Variants in CTNNA1 observed in about 807,000 individuals in gnomAD.
The protein encoded by CTNNA1 is catenin alpha-1.
In CTNNA1, 37 loss-of-function variants were observed where a neutral mutation model predicts 98.4. The ratio of observed to expected loss-of-function variants is 0.38; its 90% CI spans 0.29 to 0.49. The LOEUF is 0.49. Among genes scored for constraint, CTNNA1 ranks in the 20% least tolerant of loss-of-function variants. CTNNA1 has a pLI of 0.95. For missense variants in CTNNA1, 761 were observed against 1,147.2 expected (o/e 0.66, Z 4.86); for synonymous variants, 404 against 413.2 (o/e 0.98, Z 0.27).
intron 7 of CTNNA1, among the ~76,000 whole-genome samples, chr5:138,868,487 A>G (rs1454950881): frequency 6.6e-6 from 1 of 151,972 alleles, no homozygotes; most frequent in South Asian, 2.1e-4. Flanking sequence ...ACATCAACCA[A>G]CCCCCAAGGT....
intron 3 of CTNNA1, among the ~76,000 whole-genome samples, chr5:138,792,260 A>G (rs1422564569): frequency 1.3e-5 from 2 of 152,204 alleles, no homozygotes; most frequent in Non-Finnish European, 2.9e-5. Context: ...ATTTTCAGAA[A>G]AATAATGTAT....
chr5:138,921,254 T>C (rs757679553), intron 11 of CTNNA1, among the ~76,000 whole-genome samples: 4 of 152,264 alleles, frequency 2.6e-5, no homozygotes, highest in Non-Finnish European at 2.9e-5. Flanking sequence ...GGAAATGTTA[T>C]TGATTTCCAT....
chr5:138,928,520 T>C (rs1007225987), intron 13 of CTNNA1, among the ~76,000 whole-genome samples: 2 of 152,238 alleles, frequency 1.3e-5, no homozygotes, highest in South Asian at 2.1e-4. Flanking sequence ...AGGAAAGTTA[T>C]ACAAATCCGC....
intron 7 of CTNNA1, among the ~76,000 whole-genome samples, chr5:138,868,443 C>G (rs1329170237): frequency 6.6e-6 from 1 of 152,148 alleles, no homozygotes; most frequent in Non-Finnish European, 1.5e-5. Context: ...GGACCTCCCT[C>G]CTAGGAGTGG....
chr5:138,865,069 C>T (rs1042902252), intron 7 of CTNNA1, among the ~76,000 whole-genome samples: 1 of 152,180 alleles, frequency 6.6e-6, no homozygotes, highest in Admixed American at 6.5e-5. Context: ...GCCTCTGCCT[C>T]CCAAAGTGCT....
chr5:138,815,687 A>G (rs778966876), intron 5 of CTNNA1, among the ~76,000 whole-genome samples: 21 of 151,746 alleles, frequency 1.4e-4, no homozygotes, highest in Admixed American at 2.6e-4. Context: ...ATTTTATTCT[A>G]TTTTTTTCTG....
chr5:138,836,721 G>T (rs1581211911), intron 7 of CTNNA1, among the ~76,000 whole-genome samples: 1 of 152,298 alleles, frequency 6.6e-6, no homozygotes, highest in Middle Eastern at 3.4e-3. Flanking sequence ...CAGGATTGCT[G>T]TTAGACTGTC....
At position 138,841,658 on chromosome 5, in the gene CTNNA1, T is replaced by C. The variant is rs190514254; in HGVS notation, c.1062+13940T>C. 2.2e-3 allele frequency among the ~76,000 whole-genome samples: 337 copies of C among 152,356 alleles called. 1 individual carries two copies. Among genetic ancestry groups the C allele is most frequent in the Non-Finnish European group, 3.3e-3 (224 of 68,020 alleles). ...AAACTGCCATTAGGGCTTTTTGTAA[T>C]GTCATAATTTGGAAACATAAGGAAG... On this transcript the variant is annotated intron_variant, in intron 7 of 17. Coordinates refer to ENST00000302763, the MANE Select transcript of CTNNA1 (RefSeq NM_001903.5).
intron 1 of CTNNA1, among the ~76,000 whole-genome samples, chr5:138,763,108 T>TG (rs397883197): frequency 5.3e-5 from 8 of 152,028 alleles, no homozygotes; most frequent in Non-Finnish European, 8.8e-5. Context: ...TGTTTTTTTT[T>TG]GTCAGTATTT....
chr5:138,823,473 A>T (rs1760245924), intron 5 of CTNNA1, among the ~76,000 whole-genome samples: 1 of 152,182 alleles, frequency 6.6e-6, no homozygotes, highest in African/African-American at 2.4e-5. Flanking sequence ...TGGCTTACTG[A>T]CCTGCGAACT....
chr5:138,819,215 A>G (rs538134450), intron 5 of CTNNA1, among the ~76,000 whole-genome samples: 1 of 152,192 alleles, frequency 6.6e-6, no homozygotes, highest in Admixed American at 6.5e-5. Flanking sequence ...AGGCCCCCGG[A>G]TGGTGGAGCT....
Position 138,933,928 on chromosome 5 carries a change from C to T in CTNNA1, c.2560C>T (p.Leu854Phe), listed in dbSNP as rs1245307813. 2 of 1,614,070 alleles carry T rather than the reference C, an allele frequency of 1.2e-6. No individual in the cohort carries two copies. The highest frequency in any genetic ancestry group is 1.3e-5 in the African/African-American group (1 of 74,908). The part of the protein sequence containing the change: ...QKSQGMASLN[L>F]PAVSWKMKAP... ...GTCACAGGGTATGGCTTCCCTCAAC[C>T]TTCCTGCTGTGTCATGGAAGATGAA... The change falls in exon 18 of 18, where the codon CTT (leucine) becomes TTT (phenylalanine). Residue 854 changes from leucine (L) to phenylalanine (F), a missense_variant. Physicochemically the swap from Leu to Phe is conservative, Grantham distance 22. Transcript: ENST00000302763.
In CTNNA1 at chr5:138,783,339, C is replaced by T. The variant is rs749453442; in HGVS notation, c.268C>T (p.Leu90Phe). The change falls in exon 3 of 18, where the codon CTT (leucine) becomes TTT (phenylalanine). Residue 90 changes from leucine to phenylalanine, a missense_variant. Physicochemically the swap from Leu to Phe is conservative, Grantham distance 22 (BLOSUM62 0). Coordinates refer to ENST00000302763, the MANE Select transcript of CTNNA1 (RefSeq NM_001903.5). The part of the protein sequence containing the change: ...AKESQFLKEE[L>F]VAAVEDVRKQ... ...GGAGAGCCAGTTTCTCAAGGAGGAG[C>T]TTGTGGCTGCTGTAGAAGATGTTCG... 6.2e-7 allele frequency: 1 copy of T among 1,613,974 alleles called. No homozygotes were observed. The highest frequency in any genetic ancestry group is 1.7e-5 in the Admixed American group (1 of 60,020).
intron 4 of CTNNA1, 47 bp from the exon 5 acceptor site, chr5:138,812,136 A>T (rs2149736239): frequency 6.4e-7 from 1 of 1,574,168 alleles, no homozygotes; most frequent in East Asian, 2.2e-5. Context: ...TTCTTTACAG[A>T]CCTACATTCA....
Position 138,929,280 on chromosome 5 carries a change from C to T in CTNNA1, c.1934C>T (p.Thr645Ile), listed in dbSNP as rs748048489. Residue 645 changes from threonine to isoleucine, a missense_variant, in exon 14 of 18, where the codon ACA becomes ATA. Physicochemically the swap from Thr to Ile is moderately conservative, Grantham distance 89. Transcript: ENST00000302763. ...PEELDDSDFE[T>I]EDFDVRSRTS... is the part of the protein sequence containing the mutation. ...GAGTTGGATGACTCTGACTTTGAGA[C>T]AGAAGATTTTGATGTCAGAAGCAGG... 6.2e-7 allele frequency: 1 copy of T among 1,610,104 alleles called. No homozygotes were observed. The highest frequency in any genetic ancestry group is 8.5e-7 in the Non-Finnish European group (1 of 1,176,336).
chr5:138,874,672 A>G lies in CTNNA1; in HGVS notation c.1063-11540A>G. 1 of 770,784 alleles carries G rather than the reference A, an allele frequency of 1.3e-6. No individual in the cohort carries two copies. Among genetic ancestry groups the G allele is most frequent in the Non-Finnish European group, 2.0e-6 (1 of 491,934 alleles). 47.7% of individuals were successfully genotyped at this position (770,784 alleles called of 1,614,324 possible). A position where few individuals can be genotyped will look rare whatever the true frequency, so the allele number is the denominator to read the frequency against. The stretch of plus-strand genomic sequence containing the variant: ...TATAGCAAAAGATTTCACTGCATAT[A>G]ACTTATTTTTCATTTACTGCAGAAA... On this transcript the variant is annotated intron_variant, in intron 7 of 17. Transcript: ENST00000302763. This position sits in a 1 kb window ranked among gnomAD's most constrained non-coding sequence, Gnocchi z 4.1.
chr5:138,887,494 G>T lies in CTNNA1; in HGVS notation c.1148G>T (p.Arg383Leu), dbSNP rs780380304. 3.1e-6 allele frequency: 5 copies of T among 1,590,314 alleles called. No homozygotes were observed. The highest frequency in any genetic ancestry group is 3.4e-6 in the Non-Finnish European group (4 of 1,171,328). Reference protein sequence around the residue: ...KKTRDLRRQLRKAVMDHVSDS... With the variant: ...KKTRDLRRQLLKAVMDHVSDS... ...TTTTTACAATTTAATCATTAGCTCC[G>T]CAAAGCTGTCATGGACCACGTTTCA... is the stretch of plus-strand genomic sequence containing the variant. Residue 383 changes from arginine (R) to leucine (L), a missense_variant, in exon 9 of 18, where the codon CGC (arginine) becomes CTC (leucine). Around this residue, in one of 6 missense-constraint regions of CTNNA1, gnomAD observed 287 missense variants for 436.0 expected, o/e 0.66. Coordinates refer to ENST00000302763, the MANE Select transcript of CTNNA1 (RefSeq NM_001903.5).
At position 138,873,212 on chromosome 5, in the gene CTNNA1, G is replaced by C; in HGVS notation, c.1063-13000G>C. The C allele has an allele frequency of 8.1e-6, 13 of 1,613,826 alleles. No individual in the cohort carries two copies. Among genetic ancestry groups the C allele is most frequent in the Non-Finnish European group, 1.1e-5 (13 of 1,179,846 alleles). On this transcript the variant is annotated intron_variant, in intron 7 of 17. Coordinates refer to ENST00000302763, the MANE Select transcript of CTNNA1 (RefSeq NM_001903.5). The surrounding 1 kb of genome is among the most constrained non-coding windows in gnomAD (Gnocchi z 6.1). The stretch of plus-strand genomic sequence containing the variant: ...GCACTGCCTAATTCTTCTTAAAGTG[G>C]GAGGGCAGCACTTCCTGGAGATGAA...
At chr5:138,837,757 G>T (rs867355898) in intron 7 of CTNNA1, among the ~76,000 whole-genome samples, 47 of 151,520 alleles carry the variant, frequency 3.1e-4, no homozygotes, top group Middle Eastern at 3.2e-3. Flanking sequence ...CAGTAGCTGG[G>T]ACTAGAGGTG....
Sources: allele counts gnomAD v4.1 joint callset (sites outside exome capture counted in the v4.1 genomes callset), GRCh38; gene constraint gnomAD v4.1.1; regional missense constraint gnomAD v4.1.1; non-coding constraint Gnocchi (gnomAD v3.1); transcripts MANE v1.5; gene names NCBI Gene and HGNC (gene_info 2026-07-23, HGNC 2026-07-21).